Variants in LRTM1 observed in about 807,000 individuals in gnomAD.
LRTM1 encodes the protein leucine rich repeat transmembrane protein 1.
In LRTM1, 38 loss-of-function variants were observed where a neutral mutation model predicts 32.4. That is an observed-to-expected ratio of 1.17 (90% CI 0.91 to 1.54). LRTM1 has a LOEUF of 1.54. Among genes scored for constraint, LRTM1 ranks in the 40% most tolerant of loss-of-function variants. LRTM1 has a pLI of 0.00. For missense variants in LRTM1, 466 were observed against 415.4 expected, an observed-to-expected ratio of 1.12 and a Z score of -1.06; for synonymous variants, 186 against 169.9, an observed-to-expected ratio of 1.09 and a Z score of -0.74.
At chr3:54,945,962 T>C (rs1701603086) in intron 1 of LRTM1, among the ~76,000 whole-genome samples, 1 of 152,216 alleles carries the variant, frequency 6.6e-6, no homozygotes, top group Non-Finnish European at 1.5e-5. Context: ...CTCCTGCTCT[T>C]CACAAGAGTT....
intron 1 of LRTM1, among the ~76,000 whole-genome samples, chr3:54,940,430 G>C (rs901657174): frequency 6.6e-6 from 1 of 152,122 alleles, no homozygotes; most frequent in African/African-American, 2.4e-5. Context: ...AAATTAAACT[G>C]TTCCTCACTG....
At chr3:54,961,164 T>C (rs1702022223) in intron 1 of LRTM1, among the ~76,000 whole-genome samples, 1 of 152,226 alleles carries the variant, frequency 6.6e-6, no homozygotes, top group Admixed American at 6.5e-5. Flanking sequence ...ATGCCAGGCC[T>C]TGTTACTATC....
At chr3:54,947,018 T>C (rs1701633468) in intron 1 of LRTM1, among the ~76,000 whole-genome samples, 1 of 152,206 alleles carries the variant, frequency 6.6e-6, no homozygotes, top group South Asian at 2.1e-4. Context: ...AGACAAGTAA[T>C]TGGGTCATCA....
In LRTM1 at chr3:54,922,337, T is replaced by A. The variant is rs562185957; in HGVS notation, c.604+2282A>T. 9.1e-3 allele frequency among the ~76,000 whole-genome samples: 1,367 copies of A among 150,860 alleles called. 11 individuals carry two copies. Among genetic ancestry groups the A allele is most frequent in the Non-Finnish European group, 0.014 (927 of 67,866 alleles). On this transcript the variant is annotated intron_variant, in intron 2 of 2. Transcript: ENST00000273286. ...CCTGGGAACTTTTTTTTTTTTTTTTTAATCAAGAAATGTTCTTTAATGAAA... is the reference window on the plus strand; with the variant it reads ...CCTGGGAACTTTTTTTTTTTTTTTTAAATCAAGAAATGTTCTTTAATGAAA...
intron 1 of LRTM1, among the ~76,000 whole-genome samples, chr3:54,937,818 C>T (rs1008292198): frequency 2.0e-5 from 3 of 151,946 alleles, no homozygotes; most frequent in East Asian, 1.9e-4. Context: ...TAGCAGAAGG[C>T]GGGCATGATC....
intron 1 of LRTM1, among the ~76,000 whole-genome samples, chr3:54,944,731 A>AT (rs750101471): frequency 6.6e-6 from 1 of 151,982 alleles, no homozygotes; most frequent in Non-Finnish European, 1.5e-5. Flanking sequence ...TCCAAGAGTT[A>AT]TTTTTTATAG....
At chr3:54,942,790 C>T (rs1015654428) in intron 1 of LRTM1, among the ~76,000 whole-genome samples, 10 of 152,024 alleles carry the variant, frequency 6.6e-5, no homozygotes, top group Non-Finnish European at 1.3e-4. Context: ...TTTGGGAGGC[C>T]GAGGCGGGTG....
intron 1 of LRTM1, among the ~76,000 whole-genome samples, chr3:54,936,106 A>G (rs1559636796): frequency 6.6e-6 from 1 of 151,836 alleles, no homozygotes; most frequent in Non-Finnish European, 1.5e-5. Flanking sequence ...GTGCAAAGGA[A>G]CCCAGCTTGC....
At chr3:54,932,725 T>C (rs1701221196), upstream of LRTM1, among the ~76,000 whole-genome samples, 2 of 152,324 alleles carry the variant, frequency 1.3e-5, no homozygotes, top group East Asian at 3.9e-4. Context: ...AATTGTAAGG[T>C]CTGCCTTGGT....
rs367981005 is a variant in LRTM1, at chr3:54,951,530, G to A, written c.-222+15398C>T. 1.6e-3 allele frequency among the ~76,000 whole-genome samples: 248 copies of A among 152,328 alleles called. 1 individual carries two copies. The highest frequency in any genetic ancestry group is 5.3e-3 in the Admixed American group (81 of 15,304). On this transcript the variant is annotated intron_variant, in intron 1 of 2. Transcript: ENST00000493075. ...GATTTCAGTTACTGTGAACTTTGAA[G>A]CATCTCTACAGACTTCCAGAACAGA... is the stretch of plus-strand genomic sequence containing the variant.
intron 1 of LRTM1, among the ~76,000 whole-genome samples, chr3:54,958,284 T>A (rs1701950471): frequency 1.3e-5 from 2 of 152,212 alleles, no homozygotes; most frequent in South Asian, 4.1e-4. Flanking sequence ...TCCCAGCTAC[T>A]CAGGAGGCTG....
intron 2 of LRTM1, 41 bp downstream of exon 2, chr3:54,924,578 G>A (rs376351077): frequency 6.8e-7 from 1 of 1,465,206 alleles, no homozygotes; most frequent in African/African-American, 1.4e-5. Context: ...ATCCTAGGCT[G>A]GTAACACACA....
At position 54,922,639 on chromosome 3, in the gene LRTM1, A is replaced by G. The variant is rs143547059; in HGVS notation, c.604+1980T>C. 3.2e-3 allele frequency among the ~76,000 whole-genome samples: 486 copies of G among 152,242 alleles called. 4 individuals are homozygous for G. Among genetic ancestry groups the G allele is most frequent in the African/African-American group, 0.011 (458 of 41,544 alleles). On this transcript the variant is annotated intron_variant, in intron 2 of 2. Transcript: ENST00000273286. Reference sequence around the variant, plus strand: ...CTCATTCCCGCTGAGAACCGCTACAACCATGCAGACACTGTTGACTTCCCT... The same window carrying G: ...CTCATTCCCGCTGAGAACCGCTACAGCCATGCAGACACTGTTGACTTCCCT...
Position 54,923,162 on chromosome 3 carries a change from A to G in LRTM1, c.604+1457T>C, listed in dbSNP as rs533257016. 1.2e-3 allele frequency among the ~76,000 whole-genome samples: 183 copies of G among 152,232 alleles called. 1 individual carries two copies. The highest frequency in any genetic ancestry group is 4.2e-3 in the African/African-American group (176 of 41,544). ...ATCAGATCCTATTGTTCCCTTGACT[A>G]AAACTCTTCAAGAGCTTTCCATCTC... On this transcript the variant is annotated intron_variant, in intron 2 of 2. Coordinates refer to ENST00000273286, the MANE Select transcript of LRTM1 (RefSeq NM_020678.4).
At chr3:54,931,010 C>T (rs564112280), upstream of LRTM1, among the ~76,000 whole-genome samples, 3 of 152,278 alleles carry the variant, frequency 2.0e-5, no homozygotes, top group South Asian at 2.1e-4. Context: ...GCAGGAGAAT[C>T]GCTTGAACCC....
chr3:54,933,627 T>C (rs1309500853), intron 1 of LRTM1, among the ~76,000 whole-genome samples: 1 of 152,218 alleles, frequency 6.6e-6, no homozygotes, highest in Non-Finnish European at 1.5e-5. Context: ...TTTATTGCAT[T>C]ATCTCACTTT....
In LRTM1 at chr3:54,924,843, A is replaced by C. The variant is rs761288288; in HGVS notation, c.380T>G (p.Leu127Arg). 9.3e-6 allele frequency: 15 copies of C among 1,613,774 alleles called. No individual in the cohort carries two copies. In the African/African-American group the frequency reaches 1.9e-4, roughly 20 times the overall value. The change falls in exon 2 of 3, where the codon CTT (leucine) becomes CGT (arginine). Residue 127 changes from leucine (L) to arginine (R), a missense_variant. Transcript: ENST00000273286. ...LFHSLPQLRE[L>R]DLSSNNISHL... ...GCTTATGTTGTTTGATGACAAATCAAGCTCCCTCAGCTGAGGGAGGGAATG... is the reference window on the plus strand; with the variant it reads ...GCTTATGTTGTTTGATGACAAATCACGCTCCCTCAGCTGAGGGAGGGAATG...
At chr3:54,925,555 A>G (rs908667597) in intron 1 of LRTM1, among the ~76,000 whole-genome samples, 1 of 152,240 alleles carries the variant, frequency 6.6e-6, no homozygotes, top group Non-Finnish European at 1.5e-5. Context: ...GTAGGCCACA[A>G]CAGAATTATT....
chr3:54,924,480 C>A, intron 2 of LRTM1, 139 bp downstream of exon 2: 1 of 679,142 alleles, frequency 1.5e-6, no homozygotes, highest in South Asian at 2.1e-5. Flanking sequence ...TTTGCCATAC[C>A]GTGAAATGGC....
Sources: allele counts gnomAD v4.1 joint callset (sites outside exome capture counted in the v4.1 genomes callset), GRCh38; gene constraint gnomAD v4.1.1; transcripts MANE v1.5; gene names NCBI Gene and HGNC (gene_info 2026-07-23, HGNC 2026-07-21).